CEP63: variants seen among roughly 807,000 people sequenced by gnomAD.
The protein encoded by CEP63 is centrosomal protein of 63 kDa.
Under a neutral mutation model 89.1 loss-of-function variants are expected in CEP63, and 84 were observed. That is an observed-to-expected ratio of 0.94 (90% CI 0.79 to 1.13). The LOEUF is 1.13. Among genes scored for constraint, CEP63 ranks in the 50% most tolerant of loss-of-function variants. The pLI, the probability that CEP63 is intolerant of heterozygous loss-of-function variation, is 0.00. For missense variants in CEP63, 838 were observed against 813.3 expected, an observed-to-expected ratio of 1.03 and a Z score of -0.37; for synonymous variants, 267 against 272.5, an observed-to-expected ratio of 0.98 and a Z score of 0.20.
At chr3:134,705,827 G>A in the CEP63 span, among the ~76,000 whole-genome samples, 1 of 152,152 alleles carries the variant, frequency 6.6e-6, no homozygotes, top group African/African-American at 2.4e-5. Context: ...GATGGGAAGA[G>A]GTATGAATTT....
chr3:134,497,961 G>A (rs938787094), intron 2 of CEP63, among the ~76,000 whole-genome samples: 3 of 152,058 alleles, frequency 2.0e-5, no homozygotes, highest in African/African-American at 4.8e-5. Context: ...TGCTATTTTG[G>A]TTATTATAGC....
chr3:134,603,647 T>C, the CEP63 span: 2 of 1,612,964 alleles, frequency 1.2e-6, no homozygotes, highest in Non-Finnish European at 1.7e-6. Context: ...TCCAGCACCA[T>C]GACATAGACT....
intron 1 of CEP63, 54 bp downstream of exon 1, chr3:134,486,256 G>C (rs979705728): frequency 1.0e-6 from 1 of 985,602 alleles, no homozygotes; most frequent in Non-Finnish European, 1.2e-6. Flanking sequence ...AACCGCCGGT[G>C]CGCAAGTTGG....
the CEP63 span, among the ~76,000 whole-genome samples, chr3:134,665,585 C>T: frequency 6.6e-6 from 1 of 151,916 alleles, no homozygotes; most frequent in African/African-American, 2.4e-5. Flanking sequence ...GCCATCTGTT[C>T]CCGGCCGCCA....
At chr3:134,533,737 G>T (rs2109097846) in intron 5 of CEP63, among the ~76,000 whole-genome samples, 1 of 152,210 alleles carries the variant, frequency 6.6e-6, no homozygotes, top group Admixed American at 6.5e-5. Flanking sequence ...ATTGTATCCA[G>T]CTCCCCTAGC....
the CEP63 span, among the ~76,000 whole-genome samples, chr3:134,739,449 C>T: frequency 4.6e-5 from 7 of 152,080 alleles, no homozygotes; most frequent in African/African-American, 1.2e-4. Flanking sequence ...ATATATATAC[C>T]GGGAGATTAG....
At chr3:134,647,198 G>A in the CEP63 span, among the ~76,000 whole-genome samples, 1 of 152,222 alleles carries the variant, frequency 6.6e-6, no homozygotes, top group Non-Finnish European at 1.5e-5. Flanking sequence ...ACAAATGGGT[G>A]CTCAAGTTCC....
the CEP63 span, among the ~76,000 whole-genome samples, chr3:134,717,365 C>G: frequency 6.6e-6 from 1 of 152,204 alleles, no homozygotes; most frequent in Non-Finnish European, 1.5e-5. Flanking sequence ...TTACCCTGCT[C>G]CACCCATCCA....
At chr3:134,510,690 A>G (rs1944646383) in intron 3 of CEP63, 3 of 579,064 alleles carry the variant, frequency 5.2e-6, no homozygotes, top group South Asian at 4.8e-5. Context: ...GTCTAGCATG[A>G]AACTGGAGGT....
At chr3:134,577,512 T>A (rs1438500536), downstream of CEP63, among the ~76,000 whole-genome samples, 1 of 144,920 alleles carries the variant, frequency 6.9e-6, no homozygotes, top group African/African-American at 2.5e-5. Context: ...CTGCAAGCTC[T>A]ACCTCCCGAG....
the CEP63 span, among the ~76,000 whole-genome samples, chr3:134,763,239 C>G: frequency 1.3e-5 from 2 of 152,102 alleles, no homozygotes; most frequent in African/African-American, 4.8e-5. Flanking sequence ...GCTCCCTCCA[C>G]CCCACAACAG....
chr3:134,630,925 T>C, the CEP63 span, among the ~76,000 whole-genome samples: 1 of 152,132 alleles, frequency 6.6e-6, no homozygotes, highest in Non-Finnish European at 1.5e-5. Context: ...AAAGGAGAAG[T>C]AAGTGAAGAT....
the CEP63 span, among the ~76,000 whole-genome samples, chr3:134,597,624 C>G: frequency 6.6e-6 from 1 of 152,200 alleles, no homozygotes; most frequent in African/African-American, 2.4e-5. Flanking sequence ...CAGCAAGTGG[C>G]TGAGCATGAT....
At chr3:134,524,009 T>G (rs1297980078) in intron 3 of CEP63, among the ~76,000 whole-genome samples, 1 of 152,236 alleles carries the variant, frequency 6.6e-6, no homozygotes, top group Non-Finnish European at 1.5e-5. Flanking sequence ...ATACTGATTC[T>G]TCCTTCCATG....
At chr3:134,679,506 T>A in the CEP63 span, among the ~76,000 whole-genome samples, 1 of 152,186 alleles carries the variant, frequency 6.6e-6, no homozygotes, top group Non-Finnish European at 1.5e-5. Context: ...ATGGAGGGCT[T>A]CTTACCACAC....
At chr3:134,589,543 C>T (rs1958556640), downstream of CEP63, among the ~76,000 whole-genome samples, 1 of 150,120 alleles carries the variant, frequency 6.7e-6, no homozygotes, top group Admixed American at 6.7e-5. Flanking sequence ...AGAAAAATTA[C>T]TTATTCATCA....
chr3:134,564,478 A>G lies in CEP63; in HGVS notation c.*2943A>G, dbSNP rs1457910479. ...TGTGTGGCTCTGACCAGACTTTGCT[A>G]TCCGCTTTGATTTCTGTCTTTCAGG... On this transcript the variant is annotated 3_prime_UTR_variant, in exon 15 of 15. Coordinates refer to ENST00000675561, the MANE Select transcript of CEP63 (RefSeq NM_001353108.3). 2 of 985,270 alleles carry G rather than the reference A, an allele frequency of 2.0e-6. No homozygotes were observed. The highest frequency in any genetic ancestry group is 3.5e-5 in the African/African-American group (2 of 57,192). The allele number at this position is 985,270 out of a possible 1,614,324, so 61.0% of individuals were successfully genotyped here.
At chr3:134,693,802 T>C in the CEP63 span, among the ~76,000 whole-genome samples, 3 of 152,198 alleles carry the variant, frequency 2.0e-5, no homozygotes, top group South Asian at 2.1e-4. Flanking sequence ...GGCTGTCCTT[T>C]GGCTGCTCTC....
chr3:134,726,486 A>AGAG, the CEP63 span, among the ~76,000 whole-genome samples: 1 of 141,628 alleles, frequency 7.1e-6, no homozygotes, highest in African/African-American at 2.7e-5. Flanking sequence ...ACACACACAC[A>AGAG]CACACACACA....
Sources: allele counts gnomAD v4.1 joint callset (sites outside exome capture counted in the v4.1 genomes callset), GRCh38; gene constraint gnomAD v4.1.1; transcripts MANE v1.5; gene names NCBI Gene and HGNC (gene_info 2026-07-23, HGNC 2026-07-21).